Variants in PCDH15 observed in about 807,000 individuals in gnomAD.
PCDH15 encodes protocadherin-15.
PCDH15 carries 129 observed loss-of-function variants against 178.5 expected under a neutral mutation model. The ratio of observed to expected loss-of-function variants is 0.72; its 90% CI spans 0.63 to 0.84. The LOEUF is 0.84. PCDH15 is among the 40% of genes least tolerant of loss of function. The probability of loss-of-function intolerance (pLI) is 0.00; values close to 1 mark genes in which losing one functional copy is unlikely to be tolerated. For missense variants in PCDH15, 2,230 were observed against 2,099.9 expected (o/e 1.06, Z -1.21); for synonymous variants, 800 against 732.0 (o/e 1.09, Z -1.50).
At chr10:54,955,414 G>A (rs1591804674) in intron 2 of PCDH15, among the ~76,000 whole-genome samples, 1 of 151,176 alleles carries the variant, frequency 6.6e-6, no homozygotes, top group East Asian at 1.9e-4. Context: ...TTCTCCAAAT[G>A]GTGATTGTTT....
intron 3 of PCDH15, among the ~76,000 whole-genome samples, chr10:54,455,908 C>T (rs2076787549): frequency 1.3e-5 from 2 of 152,170 alleles, no homozygotes; most frequent in Admixed American, 1.3e-4. Flanking sequence ...TCAATGGGTA[C>T]AAGCCCCAAG....
intron 1 of PCDH15, among the ~76,000 whole-genome samples, chr10:55,168,817 T>C (rs1839260077): frequency 6.6e-6 from 1 of 152,224 alleles, no homozygotes; most frequent in Non-Finnish European, 1.5e-5. Context: ...GCACGCATTT[T>C]ATCAATATAG....
intron 26 of PCDH15, among the ~76,000 whole-genome samples, chr10:53,875,279 T>C (rs2080144984): frequency 6.6e-6 from 1 of 151,998 alleles, no homozygotes; most frequent in Non-Finnish European, 1.5e-5. Flanking sequence ...GTAAATATAA[T>C]AAGTATTGTT....
intron 18 of PCDH15, among the ~76,000 whole-genome samples, 175 bp from the exon 19 acceptor site, chr10:54,023,372 C>A (rs2092987244): frequency 6.6e-6 from 1 of 151,686 alleles, no homozygotes; most frequent in African/African-American, 2.4e-5. Flanking sequence ...AAATATTATA[C>A]TTTAATATTC....
chr10:55,393,661 T>C (rs1199540586), intron 2 of PCDH15, among the ~76,000 whole-genome samples: 1 of 152,160 alleles, frequency 6.6e-6, no homozygotes, highest in Admixed American at 6.6e-5. Flanking sequence ...TGCTGAACTC[T>C]CTAACAATAG....
intron 18 of PCDH15, among the ~76,000 whole-genome samples, chr10:54,064,964 G>A (rs998809163): frequency 6.6e-6 from 1 of 152,108 alleles, no homozygotes; most frequent in African/African-American, 2.4e-5. Context: ...TGCTCCCACC[G>A]GCTCCCTGGA....
Position 55,077,868 on chromosome 10 carries a change from C to T in PCDH15, c.-80+88708G>A, listed in dbSNP as rs79750714. ...GGCCAGTGGTTTTCTCTAATGATAT[C>T]ATTTCAGTTTTTTCTCTTCTTTATT... On this transcript the variant is annotated intron_variant, in intron 2 of 5. Coordinates refer to the PCDH15 transcript ENST00000458638. Among the ~76,000 whole-genome samples, 926 of 152,146 alleles carry T rather than the reference C, an allele frequency of 6.1e-3. 9 individuals are homozygous for T. Among genetic ancestry groups the T allele is most frequent in the African/African-American group, 0.021 (885 of 41,542 alleles).
Position 54,358,253 on chromosome 10 carries a change from C to T in PCDH15, c.474+10867G>A, listed in dbSNP as rs573679483. ...AACCTACAAAATGGGAGAAAGTTTT[C>T]GCAACCTACTCATCTGACAAAGGGC... On this transcript the variant is annotated intron_variant, in intron 5 of 37. Coordinates refer to ENST00000644397, the MANE Select transcript of PCDH15 (RefSeq NM_001384140.1). Among the ~76,000 whole-genome samples, 17 of 151,492 alleles carry T rather than the reference C, an allele frequency of 1.1e-4. No individual in the cohort carries two copies. The South Asian group carries it at 1.5e-3, about 13-fold the overall frequency.
chr10:54,576,698 A>T (rs748934122), intron 2 of PCDH15, among the ~76,000 whole-genome samples: 3 of 152,168 alleles, frequency 2.0e-5, no homozygotes, highest in Non-Finnish European at 4.4e-5. Context: ...TCCAGATCAG[A>T]TAAAACGTTG....
Position 54,752,491 on chromosome 10 carries a change from ACAAAAAACAAAAAAC to A in PCDH15, c.-29+48419_-29+48433del, listed in dbSNP as rs1323140235. Among the ~76,000 whole-genome samples the A allele has an allele frequency of 7.8e-4, 73 of 92,996 alleles. 5 individuals are homozygous for A. Among genetic ancestry groups the A allele is most frequent in the Admixed American group, 2.7e-3 (26 of 9,774 alleles). 61.0% of individuals were successfully genotyped at this position (92,996 alleles called of 152,430 possible). On this transcript the variant is annotated intron_variant, in intron 1 of 37. Transcript: ENST00000644397. ...GACTCCGTCTCAAAAAAAAAAAAAAACAAAAAACAAAAAACAAAAAACAAACAAACAAACAAACAA... is the reference window on the plus strand; with the variant it reads ...GACTCCGTCTCAAAAAAAAAAAAAAAAAAAAACAAACAAACAAACAAACAA...
chr10:54,974,831 C>A (rs1286401806), intron 2 of PCDH15, among the ~76,000 whole-genome samples: 1 of 152,088 alleles, frequency 6.6e-6, no homozygotes, highest in East Asian at 1.9e-4. Flanking sequence ...AGAAAGTAGA[C>A]ATGAATTTTA....
At chr10:55,181,333 G>A (rs998175169) in intron 1 of PCDH15, among the ~76,000 whole-genome samples, 8 of 151,892 alleles carry the variant, frequency 5.3e-5, no homozygotes, top group Non-Finnish European at 7.4e-5. Context: ...TTAAACAAAT[G>A]GGTTACCAAA....
chr10:54,667,838 G>T (rs530150484), intron 1 of PCDH15, among the ~76,000 whole-genome samples: 30 of 152,126 alleles, frequency 2.0e-4, no homozygotes, highest in Middle Eastern at 3.4e-3. Context: ...GGTGTATTCA[G>T]TACTCTAATA....
intron 1 of PCDH15, among the ~76,000 whole-genome samples, chr10:55,276,370 C>T (rs992762919): frequency 4.6e-5 from 7 of 150,974 alleles, no homozygotes; most frequent in Non-Finnish European, 1.0e-4. Context: ...AATACATGGA[C>T]TTTATGAATT....
At chr10:53,921,455 C>G (rs2083991554) in intron 25 of PCDH15, among the ~76,000 whole-genome samples, 2 of 151,988 alleles carry the variant, frequency 1.3e-5, no homozygotes, top group South Asian at 4.2e-4. Context: ...GTCCATTTTC[C>G]CTCCTTGGTT....
intron 23 of PCDH15, among the ~76,000 whole-genome samples, chr10:53,951,238 T>A (rs959882761): frequency 6.6e-6 from 1 of 152,160 alleles, no homozygotes; most frequent in Admixed American, 6.5e-5. Flanking sequence ...CCTAATCACT[T>A]GAATGGTTAA....
At chr10:54,917,360 C>T (rs553692081) in intron 2 of PCDH15, among the ~76,000 whole-genome samples, 2 of 152,230 alleles carry the variant, frequency 1.3e-5, no homozygotes, top group East Asian at 1.9e-4. Context: ...TCTGAACAAA[C>T]AGGCAAACAT....
chr10:54,051,339 A>G (rs184468628), intron 18 of PCDH15, among the ~76,000 whole-genome samples: 26 of 152,356 alleles, frequency 1.7e-4, no homozygotes, highest in African/African-American at 5.0e-4. Context: ...CTAGGAAGAC[A>G]GAAAGAAGTG....
chr10:54,203,472 T>C (rs1292336416), intron 10 of PCDH15, among the ~76,000 whole-genome samples: 1 of 151,938 alleles, frequency 6.6e-6, no homozygotes, highest in Non-Finnish European at 1.5e-5. Context: ...AACCTCAGAT[T>C]GAGAAAAAAA....
Sources: allele counts gnomAD v4.1 joint callset (sites outside exome capture counted in the v4.1 genomes callset), GRCh38; gene constraint gnomAD v4.1.1; transcripts MANE v1.5; gene names NCBI Gene and HGNC (gene_info 2026-07-23, HGNC 2026-07-21).